The following AADAT variants were observed in gnomAD, a reference collection of about 807,000 sequenced individuals.
AADAT encodes the protein aminoadipate aminotransferase.
In AADAT, 25 loss-of-function variants were observed where a neutral mutation model predicts 56.2. The observed-to-expected ratio is 0.44, with a 90% CI of 0.32 to 0.62. The LOEUF (loss-of-function observed/expected upper bound fraction) is 0.62, where lower values mean the gene tolerates loss of function less well. AADAT is among the 20% of genes least tolerant of loss of function. AADAT has a pLI of 0.04. For missense variants in AADAT, 387 were observed against 510.5 expected, an observed-to-expected ratio of 0.76 and a Z score of 2.33; for synonymous variants, 173 against 164.7, an observed-to-expected ratio of 1.05 and a Z score of -0.39.
intron 5 of AADAT, among the ~76,000 whole-genome samples, chr4:170,071,608 C>T (rs551290453): frequency 4.6e-5 from 7 of 152,254 alleles, no homozygotes; most frequent in South Asian, 4.1e-4. Context: ...CAGGAGAACC[C>T]GGAGCCGGGC....
intron 4 of AADAT, among the ~76,000 whole-genome samples, chr4:170,077,783 T>G (rs1732108298): frequency 6.6e-6 from 1 of 152,248 alleles, no homozygotes. Context: ...CAAATAAATC[T>G]AATTCTTTTG....
In AADAT at chr4:170,070,668, G is replaced by A. The variant is rs1276628555; in HGVS notation, c.655-16C>T. 3 of 1,387,222 alleles carry A rather than the reference G, an allele frequency of 2.2e-6. No individual in the cohort carries two copies. The highest frequency in any genetic ancestry group is 1.4e-5 in the African/African-American group (1 of 70,490). 85.9% of individuals were successfully genotyped at this position (1,387,222 alleles called of 1,614,324 possible). Reference sequence around the variant, plus strand: ...TTCTTGCAAGCTAAAAAAGGTTGAAGTAATTGTTTATTTCTTAATCTATTT... The same window carrying A: ...TTCTTGCAAGCTAAAAAAGGTTGAAATAATTGTTTATTTCTTAATCTATTT... On this transcript the variant is annotated splice_polypyrimidine_tract_variant and intron_variant, in intron 5 of 12. Transcript: ENST00000337664.
At chr4:170,066,623 T>C (rs1000052607) in intron 9 of AADAT, 145 bp from the exon 10 acceptor site, 45 of 614,512 alleles carry the variant, frequency 7.3e-5, no homozygotes, top group Non-Finnish European at 1.2e-4. Flanking sequence ...CATATTTGTT[T>C]CACTTGTCTG....
intron 3 of AADAT, among the ~76,000 whole-genome samples, chr4:170,080,872 C>T (rs1463568395): frequency 6.6e-6 from 1 of 152,128 alleles, no homozygotes; most frequent in Non-Finnish European, 1.5e-5. Context: ...AATAACTAAT[C>T]CTTTAATGCA....
chr4:170,080,896 T>C (rs902124567), intron 3 of AADAT, among the ~76,000 whole-genome samples: 11 of 152,140 alleles, frequency 7.2e-5, no homozygotes, highest in African/African-American at 2.7e-4. Context: ...AACTGATGTA[T>C]ACATACAAGA....
chr4:170,078,695 C>T lies in AADAT; in HGVS notation c.370-112G>A, dbSNP rs1732156353. 21 of 624,626 alleles carry T rather than the reference C, an allele frequency of 3.4e-5. 1 individual carries two copies. In the South Asian group the frequency reaches 6.1e-4, roughly 18 times the overall value. 38.7% of individuals were successfully genotyped at this position (624,626 alleles called of 1,614,324 possible). On this transcript the variant is annotated intron_variant, in intron 3 of 12. Transcript: ENST00000337664. ...CACATGGTTCTAGAGTAAGAATTAG[C>T]AAATTGTTTATAAGGGGCCAAACAG...
intron 7 of AADAT, 113 bp from the exon 8 acceptor site, chr4:170,068,800 T>C: frequency 1.5e-6 from 1 of 664,840 alleles, no homozygotes; most frequent in Non-Finnish European, 2.5e-6. Flanking sequence ...AGGATCTAGA[T>C]AATTAAAACA....
At position 170,088,444 on chromosome 4, in the gene AADAT, A is replaced by G. The variant is rs757318974; in HGVS notation, c.188T>C (p.Phe63Ser). 1.2e-6 allele frequency: 2 copies of G among 1,612,546 alleles called. No homozygotes were observed. The highest frequency in any genetic ancestry group is 1.7e-6 in the Non-Finnish European group (2 of 1,178,740). The change falls in exon 2 of 13, where the codon TTT becomes TCT. Residue 63 changes from phenylalanine (F) to serine (S), a missense_variant. Phe to Ser is a radical substitution (Grantham distance 155, BLOSUM62 -2). Coordinates refer to ENST00000337664, the MANE Select transcript of AADAT (RefSeq NM_016228.4). ...ITVENGKTIQ[F>S]GEEMMKRALQ... ...TGCTCTCTTCATCATCTCTTCTCCA[A>G]ATTGGATGGTCTTTCCATTTTCTAC...
At position 170,061,975 on chromosome 4, in the gene AADAT, T is replaced by C; in HGVS notation, c.1153A>G (p.Asn385Asp). 6.2e-7 allele frequency: 1 copy of C among 1,612,454 alleles called. No individual in the cohort carries two copies. The highest frequency in any genetic ancestry group is 8.5e-7 in the Non-Finnish European group (1 of 1,178,946). The change falls in exon 12 of 13, where the codon AAT becomes GAT. Residue 385 changes from asparagine to aspartate, a missense_variant. Physicochemically the swap from Asn to Asp is conservative, Grantham distance 23 (BLOSUM62 1). Coordinates refer to ENST00000337664, the MANE Select transcript of AADAT (RefSeq NM_016228.4). Reference protein sequence around the residue: ...VKMGVLMLPGNAFYVDSSAPS... With the variant: ...VKMGVLMLPGDAFYVDSSAPS... Reference sequence around the variant, plus strand: ...GCTGAGCTATCGACGTAGAAAGCATTTCCAGGGAGCATTAATACCTAAGAG... The same window carrying C: ...GCTGAGCTATCGACGTAGAAAGCATCTCCAGGGAGCATTAATACCTAAGAG...
Position 170,061,986 on chromosome 4 carries a change from A to C in AADAT, c.1142T>G (p.Met381Arg). The C allele has an allele frequency of 6.2e-7, 1 of 1,610,774 alleles. No homozygotes were observed. Among genetic ancestry groups the C allele is most frequent in the South Asian group, 1.1e-5 (1 of 90,928 alleles). Residue 381 changes from methionine to arginine, a missense_variant, in exon 12 of 13, where the codon ATG becomes AGG. Coordinates refer to ENST00000337664, the MANE Select transcript of AADAT (RefSeq NM_016228.4). The part of the protein sequence containing the change: ...EEKAVKMGVL[M>R]LPGNAFYVDS... The stretch of plus-strand genomic sequence containing the variant: ...GACGTAGAAAGCATTTCCAGGGAGC[A>C]TTAATACCTAAGAGAGTTTGTGGAA...
chr4:170,071,607 C>G (rs1429357242), intron 5 of AADAT, among the ~76,000 whole-genome samples: 1 of 152,122 alleles, frequency 6.6e-6, no homozygotes. Flanking sequence ...ACAGGAGAAC[C>G]CGGAGCCGGG....
chr4:170,080,348 T>C (rs532094234), intron 3 of AADAT, among the ~76,000 whole-genome samples: 2 of 152,222 alleles, frequency 1.3e-5, no homozygotes, highest in South Asian at 4.2e-4. Flanking sequence ...TCCCCCTAAT[T>C]CACGGCTTCT....
At chr4:170,063,957 GGA>G (rs1731319085) in intron 11 of AADAT, among the ~76,000 whole-genome samples, 1 of 131,318 alleles carries the variant, frequency 7.6e-6, no homozygotes. Context: ...TATAAAAAGA[GGA>G]AAAAAAAAAG....
At position 170,063,837 on chromosome 4, in the gene AADAT, T is replaced by C. The variant is rs1025753495; in HGVS notation, c.1134+882A>G. Among the ~76,000 whole-genome samples, 7 of 152,190 alleles carry C rather than the reference T, an allele frequency of 4.6e-5. No homozygotes were observed. The East Asian group carries it at 9.6e-4, about 21-fold the overall frequency. On this transcript the variant is annotated intron_variant, in intron 11 of 12. Coordinates refer to ENST00000337664, the MANE Select transcript of AADAT (RefSeq NM_016228.4). ...CAAACATGCAAATGGCTTTAATTAA[T>C]GGAGAAGGAATAATTTATCTGGTAA... is the stretch of plus-strand genomic sequence containing the variant.
At position 170,088,556 on chromosome 4, in the gene AADAT, A is replaced by G. The variant is rs762522231; in HGVS notation, c.76T>C (p.Leu26=). The G allele has an allele frequency of 5.6e-6, 9 of 1,611,412 alleles. No homozygotes were observed. Among genetic ancestry groups the G allele is most frequent in the East Asian group, 4.5e-5 (2 of 44,794 alleles). The stretch of plus-strand genomic sequence containing the variant: ...ATCATCGATTTTGGTCCTCTGCTCA[A>G]TATGTCAGCTACAATACACATGGAA... ...PSPIRTMTDI[L]SRGPKSMISL... is the part of the protein sequence containing the mutation. Residue 26 remains leucine, a synonymous_variant, in exon 2 of 13, where the codon TTG becomes CTG. Transcript: ENST00000337664.
intron 1 of AADAT, 169 bp downstream of exon 1, chr4:170,089,455 G>C: frequency 1.4e-6 from 1 of 739,656 alleles, no homozygotes; most frequent in Non-Finnish European, 2.3e-6. Context: ...AGTTCTTTGA[G>C]AACAAAGGCT....
At position 170,070,596 on chromosome 4, in the gene AADAT, C is replaced by A. The variant is rs776235647; in HGVS notation, c.711G>T (p.Gln237His). The A allele has an allele frequency of 6.3e-7, 1 of 1,581,724 alleles. No homozygotes were observed. The highest frequency in any genetic ancestry group is 1.1e-5 in the South Asian group (1 of 87,132). ...TCACATAATCACTTACCTTGTTAAA[C>A]TGGAGAAAATAGTAAGGATCATCTT... ...IIEDDPYYFL[Q>H]FNKFRVPTFL... is the part of the protein sequence containing the mutation. The change falls in exon 6 of 13, where the codon CAG becomes CAT. Residue 237 changes from glutamine (Q) to histidine (H), a missense_variant. Gln to His is a conservative substitution (Grantham distance 24). Transcript: ENST00000337664.
At chr4:170,078,732 C>T (rs540310198) in intron 3 of AADAT, 149 bp from the exon 4 acceptor site, 4 of 446,346 alleles carry the variant, frequency 9.0e-6, no homozygotes, top group East Asian at 3.5e-5. Flanking sequence ...AAACACTTTG[C>T]GGGTCATAGT....
chr4:170,076,370 C>A (rs942454746), intron 4 of AADAT, among the ~76,000 whole-genome samples: 3 of 152,140 alleles, frequency 2.0e-5, no homozygotes, highest in Non-Finnish European at 4.4e-5. Context: ...AATCAGACTG[C>A]AGGTACAGCA....
Sources: allele counts gnomAD v4.1 joint callset (sites outside exome capture counted in the v4.1 genomes callset), GRCh38; gene constraint gnomAD v4.1.1; transcripts MANE v1.5; gene names NCBI Gene and HGNC (gene_info 2026-07-23, HGNC 2026-07-21).